MIER1: variants seen among roughly 807,000 people sequenced by gnomAD.
MIER1 encodes the protein MIER1 transcriptional regulator.
Under a neutral mutation model 75.7 loss-of-function variants are expected in MIER1, and 40 were observed. The observed-to-expected ratio is 0.53, with a 90% confidence interval of 0.41 to 0.69. The LOEUF is 0.69. Ranked by LOEUF, MIER1 falls within the 30% of genes least tolerant of loss-of-function variation. The probability of loss-of-function intolerance (pLI) is 0.00; values close to 1 mark genes in which losing one functional copy is unlikely to be tolerated. For synonymous variants in MIER1, 213 were observed against 223.4 expected (o/e 0.95, Z 0.42); for missense variants, 574 against 680.2 (o/e 0.84, Z 1.74).
intron 3 of MIER1, among the ~76,000 whole-genome samples, chr1:66,942,947 TAA>T (rs1305368367): frequency 2.0e-5 from 3 of 152,182 alleles, no homozygotes; most frequent in African/African-American, 7.2e-5. Context: ...TGAATTTTTT[TAA>T]AAGTCAATAG....
At chr1:66,953,480 T>C (rs1280215761) in intron 4 of MIER1, among the ~76,000 whole-genome samples, 1 of 152,176 alleles carries the variant, frequency 6.6e-6, no homozygotes, top group Non-Finnish European at 1.5e-5. Context: ...CTTCAACTTG[T>C]ATTTTTGGTG....
chr1:66,958,117 G>A lies in MIER1; in HGVS notation c.398G>A (p.Arg133Gln), dbSNP rs771249903. The change falls in exon 5 of 14, where the codon CGA becomes CAA. Residue 133 changes from arginine to glutamine, a missense_variant. By Grantham distance (43) the Arg-to-Gln change is conservative. This residue lies in a region of MIER1 where 309 missense variants were observed against 352.8 expected (regional missense o/e 0.88). Transcript: ENST00000401041. Reference protein sequence around the residue: ...LSLYGYGSTVRLPEEDEEEEE... With the variant: ...LSLYGYGSTVQLPEEDEEEEE... ...CTTTATGGTTATGGTAGTACTGTTC[G>A]ACTACCTGAAGAAGATGAGGAAGAG... 25 of 1,609,646 alleles carry A rather than the reference G, an allele frequency of 1.6e-5. No individual in the cohort carries two copies. The highest frequency in any genetic ancestry group is 8.8e-5 in the South Asian group (8 of 90,968).
chr1:66,970,761 C>G (rs1558095884), intron 8 of MIER1, 47 bp from the exon 9 acceptor site: 1 of 1,385,954 alleles, frequency 7.2e-7, no homozygotes, highest in African/African-American at 1.5e-5. Context: ...AACACAAACT[C>G]TATCAGTTTT....
chr1:66,964,602 G>A (rs528155328), intron 8 of MIER1, among the ~76,000 whole-genome samples: 5 of 151,032 alleles, frequency 3.3e-5, no homozygotes, highest in South Asian at 2.1e-4. Flanking sequence ...ACAGGCATGC[G>A]CCACCACGCC....
intron 8 of MIER1, among the ~76,000 whole-genome samples, chr1:66,965,840 A>G (rs964816989): frequency 5.9e-5 from 9 of 152,030 alleles, no homozygotes; most frequent in Non-Finnish European, 1.5e-5. Flanking sequence ...TCTAGTAGCC[A>G]TCCTTCTGCT....
At chr1:66,969,084 A>G (rs1395706614) in intron 8 of MIER1, among the ~76,000 whole-genome samples, 1 of 152,188 alleles carries the variant, frequency 6.6e-6, no homozygotes. Flanking sequence ...TTAGGATATA[A>G]CTAGGATTGT....
chr1:66,957,562 T>TATATTACTATATTA, intron 4 of MIER1, among the ~76,000 whole-genome samples: 1 of 151,888 alleles, frequency 6.6e-6, no homozygotes, highest in Non-Finnish European at 1.5e-5. Flanking sequence ...TTATCATTTC[T>TATATTACTATATTA]GTATATTACT....
chr1:66,942,759 G>A (rs1004509969), intron 3 of MIER1, among the ~76,000 whole-genome samples: 2 of 152,174 alleles, frequency 1.3e-5, no homozygotes, highest in Non-Finnish European at 2.9e-5. Flanking sequence ...AAAAAGCGTA[G>A]TGTGCATGTA....
At chr1:66,959,532 GTTAA>G (rs1660825109) in intron 6 of MIER1, 143 bp from the exon 7 acceptor site, 2 of 447,440 alleles carry the variant, frequency 4.5e-6, no homozygotes, top group Non-Finnish European at 8.1e-6. Context: ...GTGATAGGGT[GTTAA>G]TTATTTGGTT....
Position 66,958,048 on chromosome 1 carries a change from GATTT to G in MIER1, c.340-5_340-2del, listed in dbSNP as rs766045306. Reference sequence around the variant, plus strand: ...TGATTCAGAGATTACCTTTTATTTTGATTTATTTAGGAAGGCGACATGCCAATTC... The same window carrying G: ...TGATTCAGAGATTACCTTTTATTTTGATTTAGGAAGGCGACATGCCAATTC... On this transcript the variant is annotated splice_region_variant and splice_polypyrimidine_tract_variant and intron_variant, in intron 4 of 13. Coordinates refer to ENST00000401041, the MANE Select transcript of MIER1 (RefSeq NM_001077700.3). The G allele has an allele frequency of 6.5e-7, 1 of 1,539,884 alleles. No individual in the cohort carries two copies. Among genetic ancestry groups the G allele is most frequent in the Non-Finnish European group, 8.8e-7 (1 of 1,136,764 alleles).
At chr1:66,949,233 AAGT>A (rs1406615736) in intron 4 of MIER1, among the ~76,000 whole-genome samples, 3 of 152,200 alleles carry the variant, frequency 2.0e-5, no homozygotes, top group Non-Finnish European at 4.4e-5. Flanking sequence ...AAGAGGAAAT[AAGT>A]AGTTTTCATA....
At chr1:66,957,839 G>A (rs1660480398) in intron 4 of MIER1, among the ~76,000 whole-genome samples, 1 of 152,120 alleles carries the variant, frequency 6.6e-6, no homozygotes, top group South Asian at 2.1e-4. Context: ...AGATCTTGTT[G>A]TCAGCAATTA....
intron 8 of MIER1, among the ~76,000 whole-genome samples, chr1:66,964,609 C>T (rs1285955236): frequency 2.0e-5 from 3 of 151,988 alleles, no homozygotes; most frequent in Non-Finnish European, 2.9e-5. Flanking sequence ...TGCGCCACCA[C>T]GCCCAGCTAA....
intron 12 of MIER1, among the ~76,000 whole-genome samples, chr1:66,977,190 G>A (rs1178730307): frequency 1.3e-5 from 2 of 151,642 alleles, no homozygotes; most frequent in Non-Finnish European, 2.9e-5. Context: ...GCTCCCTGCA[G>A]CCTCCGTCTC....
At chr1:66,940,077 A>G in intron 3 of MIER1, 25 bp downstream of exon 3, 1 of 1,570,840 alleles carries the variant, frequency 6.4e-7, no homozygotes, top group Non-Finnish European at 8.8e-7. Flanking sequence ...TATTTTTTAT[A>G]ATCTCGATTT....
chr1:66,949,017 T>C (rs1472667878), intron 4 of MIER1, among the ~76,000 whole-genome samples: 1 of 152,170 alleles, frequency 6.6e-6, no homozygotes, highest in African/African-American at 2.4e-5. Context: ...AAAACAGTTA[T>C]AAGGGAAACA....
intron 4 of MIER1, among the ~76,000 whole-genome samples, chr1:66,957,432 G>A (rs771708941): frequency 5.7e-4 from 86 of 151,972 alleles, no homozygotes; most frequent in Non-Finnish European, 2.6e-4. Context: ...CTCTGTTTTC[G>A]CATCTATGAA....
rs973431730 is a variant in MIER1 at position 66,925,064 on chromosome 1, C to T, written c.36C>T (p.Ser12=). 1 of 1,548,288 alleles carries T rather than the reference C, an allele frequency of 6.5e-7. No individual in the cohort carries two copies. The highest frequency in any genetic ancestry group is 8.7e-7 in the Non-Finnish European group (1 of 1,145,888). The change falls in exon 1 of 14, where the codon AGC becomes AGT. Residue 12 remains serine, a synonymous_variant. Coordinates refer to ENST00000401041, the MANE Select transcript of MIER1 (RefSeq NM_001077700.3). ...DGASSGGGGS[S]EGGGGSSGSG... is the part of the protein sequence containing the mutation. The stretch of plus-strand genomic sequence containing the variant: ...CTTCTTCAGGCGGTGGCGGCAGCAG[C>T]GAAGGTGGCGGCGGCAGCAGCGGCA...
chr1:66,963,205 G>A, intron 8 of MIER1, 45 bp downstream of exon 8: 1 of 1,156,678 alleles, frequency 8.6e-7, no homozygotes. Context: ...TGCTTTCAGT[G>A]TAATGAACTG....
Sources: gnomAD v4.1 joint callset for allele counts (sites outside exome capture counted in the v4.1 genomes callset) on GRCh38, gnomAD v4.1.1 for gene constraint, gnomAD v4.1.1 regional missense constraint, MANE v1.5 for transcripts, NCBI Gene and HGNC (gene_info 2026-07-23, HGNC 2026-07-21) for gene names.